APLF: variants seen among roughly 807,000 people sequenced by gnomAD.
The protein encoded by APLF is aprataxin and PNKP like factor.
A neutral mutation model predicts 55.6 loss-of-function variants in APLF; 61 were observed. The ratio of observed to expected loss-of-function variants is 1.10; its 90% CI spans 0.89 to 1.36. The LOEUF (loss-of-function observed/expected upper bound fraction) is 1.36, where lower values mean the gene tolerates loss of function less well. Among genes scored for constraint, APLF ranks in the 40% most tolerant of loss-of-function variants. APLF has a pLI of 0.00. For missense variants in APLF, 611 were observed against 602.5 expected (o/e 1.01, Z -0.15); for synonymous variants, 207 against 214.8 (o/e 0.96, Z 0.32).
At chr2:68,479,249 G>A (rs547074551) in intron 1 of APLF, among the ~76,000 whole-genome samples, 8 of 152,148 alleles carry the variant, frequency 5.3e-5, no homozygotes, top group Non-Finnish European at 1.2e-4. Context: ...AGTCCCGAAG[G>A]ATTACACCAT....
intron 1 of APLF, among the ~76,000 whole-genome samples, chr2:68,486,142 C>A (rs763414089): frequency 6.6e-6 from 1 of 152,032 alleles, no homozygotes; most frequent in African/African-American, 2.4e-5. Context: ...ATGCACCCAT[C>A]AATTTTTGAG....
At chr2:68,471,929 T>C (rs1332051317) in intron 1 of APLF, among the ~76,000 whole-genome samples, 2 of 152,292 alleles carry the variant, frequency 1.3e-5, no homozygotes, top group East Asian at 1.9e-4. Flanking sequence ...GCTTGGTTTT[T>C]ATATATTTTA....
chr2:68,571,395 C>G (rs1671460011), intron 9 of APLF, among the ~76,000 whole-genome samples: 1 of 152,098 alleles, frequency 6.6e-6, no homozygotes, highest in Non-Finnish European at 1.5e-5. Flanking sequence ...ATGGTATTGC[C>G]TAGGTTTTCT....
At chr2:68,513,015 A>C in intron 3 of APLF, 65 bp from the exon 4 acceptor site, 1 of 1,437,424 alleles carries the variant, frequency 7.0e-7, no homozygotes, top group Admixed American at 2.1e-5. Flanking sequence ...ACTTAGATGT[A>C]GTTCTAAGGC....
intron 8 of APLF, among the ~76,000 whole-genome samples, chr2:68,551,159 A>T (rs982202701): frequency 1.3e-5 from 2 of 152,072 alleles, no homozygotes; most frequent in African/African-American, 4.8e-5. Context: ...TTTATCATTT[A>T]TGTCATGCCA....
intron 8 of APLF, among the ~76,000 whole-genome samples, chr2:68,550,398 A>G (rs931959838): frequency 6.6e-6 from 1 of 151,648 alleles, no homozygotes; most frequent in African/African-American, 2.4e-5. Flanking sequence ...CGCCCGGCTA[A>G]TTTTTGTATT....
chr2:68,473,595 G>A (rs1410980418), intron 1 of APLF, among the ~76,000 whole-genome samples: 5 of 152,200 alleles, frequency 3.3e-5, no homozygotes, highest in Admixed American at 6.5e-5. Context: ...CCGCCAAACT[G>A]TCTTCCAGAG....
intron 6 of APLF, chr2:68,528,383 T>A (rs1670143350): frequency 1.3e-6 from 2 of 1,534,056 alleles, no homozygotes; most frequent in South Asian, 2.4e-5. Context: ...CAACAGTGCC[T>A]CAGGAGATAG....
At chr2:68,559,456 G>C (rs993832154) in intron 8 of APLF, among the ~76,000 whole-genome samples, 2 of 152,084 alleles carry the variant, frequency 1.3e-5, no homozygotes, top group African/African-American at 4.8e-5. Flanking sequence ...GTAATAGGTA[G>C]ATCAAATTTA....
At chr2:68,541,430 CA>C (rs556191493) in intron 7 of APLF, among the ~76,000 whole-genome samples, 81 of 151,186 alleles carry the variant, frequency 5.4e-4, no homozygotes, top group Non-Finnish European at 1.0e-3. Context: ...AACTAGCAAC[CA>C]ATAAGAAAAT....
intron 5 of APLF, among the ~76,000 whole-genome samples, chr2:68,520,896 A>G (rs1053984276): frequency 2.0e-5 from 3 of 151,898 alleles, no homozygotes; most frequent in African/African-American, 7.3e-5. Flanking sequence ...GAATTTGTAG[A>G]TTACTTTTGG....
In APLF at chr2:68,528,524, G is replaced by A. The variant is rs191633254; in HGVS notation, c.804+2282G>A. ...GGACCTGTGGCCGGCAGCTCTGGGTGGAGAAGACCTACTTGATCCAAGAGC... is the reference window on the plus strand; with the variant it reads ...GGACCTGTGGCCGGCAGCTCTGGGTAGAGAAGACCTACTTGATCCAAGAGC... On this transcript the variant is annotated intron_variant, in intron 6 of 9. Coordinates refer to ENST00000303795, the MANE Select transcript of APLF (RefSeq NM_173545.3). The A allele has an allele frequency of 3.5e-5, 53 of 1,533,924 alleles. No homozygotes were observed. In the African/African-American group the frequency reaches 5.9e-4, roughly 17 times the overall value.
At chr2:68,556,792 A>G (rs1671028302) in intron 8 of APLF, among the ~76,000 whole-genome samples, 1 of 152,160 alleles carries the variant, frequency 6.6e-6, no homozygotes, top group South Asian at 2.1e-4. Flanking sequence ...TTTTAAAATT[A>G]TAATGTCTTC....
intron 5 of APLF, among the ~76,000 whole-genome samples, chr2:68,521,465 G>C (rs1274597253): frequency 6.6e-6 from 1 of 151,890 alleles, no homozygotes; most frequent in South Asian, 2.1e-4. Flanking sequence ...TCAGGTACTA[G>C]TTCTTGGATG....
intron 8 of APLF, among the ~76,000 whole-genome samples, chr2:68,548,114 G>A (rs1165333530): frequency 1.3e-5 from 2 of 151,906 alleles, no homozygotes; most frequent in East Asian, 3.9e-4. Context: ...ATGAATTGGT[G>A]TCTTCTCTAA....
At chr2:68,559,309 C>T (rs757760969) in intron 8 of APLF, among the ~76,000 whole-genome samples, 2 of 152,132 alleles carry the variant, frequency 1.3e-5, no homozygotes, top group African/African-American at 4.8e-5. Flanking sequence ...TCTGTCTCCT[C>T]TTTTTCTTCC....
At chr2:68,528,807 T>G (rs1670158342) in intron 6 of APLF, 1 of 1,488,852 alleles carries the variant, frequency 6.7e-7, no homozygotes, top group Non-Finnish European at 9.0e-7. Context: ...TCAGTCTGGT[T>G]GTTTTCTGTC....
intron 5 of APLF, among the ~76,000 whole-genome samples, chr2:68,518,080 TA>T (rs1431987769): frequency 1.5e-5 from 2 of 133,202 alleles, no homozygotes; most frequent in Non-Finnish European, 3.1e-5. Context: ...CATTAGTATA[TA>T]ATATTAATAT....
intron 5 of APLF, among the ~76,000 whole-genome samples, chr2:68,521,298 T>C (rs1453845420): frequency 6.6e-6 from 1 of 151,854 alleles, no homozygotes; most frequent in East Asian, 1.9e-4. Flanking sequence ...ACAGTTTGAC[T>C]CAGTGACAGT....
Sources: gnomAD v4.1 joint callset for allele counts (sites outside exome capture counted in the v4.1 genomes callset) on GRCh38, gnomAD v4.1.1 for gene constraint, MANE v1.5 for transcripts, NCBI Gene and HGNC (gene_info 2026-07-23, HGNC 2026-07-21) for gene names.